DRC10: variants seen among roughly 807,000 people sequenced by gnomAD.
DRC10 encodes IQ domain-containing protein D.
chr12:113,198,335 G>T, the DRC10 span, among the ~76,000 whole-genome samples: 2 of 152,228 alleles, frequency 1.3e-5, no homozygotes, highest in Non-Finnish European at 2.9e-5. Flanking sequence ...GTCACAGAGG[G>T]AGTGTCAGCA....
At chr12:113,198,335 G>A in the DRC10 span, among the ~76,000 whole-genome samples, 1 of 152,228 alleles carries the variant, frequency 6.6e-6, no homozygotes, top group African/African-American at 2.4e-5. Context: ...GTCACAGAGG[G>A]AGTGTCAGCA....
chr12:113,201,696 A>G, the DRC10 span, among the ~76,000 whole-genome samples: 860 of 152,314 alleles, frequency 5.6e-3, 7 homozygotes, highest in African/African-American at 0.019. Flanking sequence ...TTCTCACTAC[A>G]CTAGAGTCTC....
chr12:113,204,655 T>C, the DRC10 span, among the ~76,000 whole-genome samples: 1 of 152,190 alleles, frequency 6.6e-6, no homozygotes, highest in African/African-American at 2.4e-5. Context: ...GTGCGGTGGC[T>C]CACACATGTA....
chr12:113,200,706 C>T, the DRC10 span: 2 of 1,536,206 alleles, frequency 1.3e-6, no homozygotes, highest in Non-Finnish European at 1.7e-6. Flanking sequence ...CGGCCTTCTG[C>T]TGCTTCTCAG....
At chr12:113,208,288 C>T in the DRC10 span, 9 of 1,454,542 alleles carry the variant, frequency 6.2e-6, no homozygotes, top group East Asian at 2.4e-5. Context: ...GGTGTGAGTG[C>T]AGCTGTGCTG....
chr12:113,220,991 A>G, the DRC10 span: 1 of 360,728 alleles, frequency 2.8e-6, no homozygotes, highest in Admixed American at 3.4e-5. Flanking sequence ...CCAACTGGCT[A>G]CTCACCTGCT....
the DRC10 span, among the ~76,000 whole-genome samples, chr12:113,219,752 A>C: frequency 2.6e-4 from 39 of 152,120 alleles, no homozygotes; most frequent in African/African-American, 8.4e-4. Flanking sequence ...GGCTCACCGC[A>C]ACCTCCGCCT....
At chr12:113,200,783 GT>G in the DRC10 span, 4 of 1,533,754 alleles carry the variant, frequency 2.6e-6, no homozygotes, top group Non-Finnish European at 3.5e-6. Context: ...TGGTTTTTCA[GT>G]TCTTGGATCA....
the DRC10 span, among the ~76,000 whole-genome samples, chr12:113,213,242 CTCTT>C: frequency 2.1e-5 from 3 of 145,708 alleles, no homozygotes; most frequent in African/African-American, 7.6e-5. Flanking sequence ...ATTTCTCTCT[CTCTT>C]TTTAAATTCA....
the DRC10 span, among the ~76,000 whole-genome samples, chr12:113,205,655 C>T: frequency 7.6e-5 from 11 of 144,922 alleles, no homozygotes; most frequent in Admixed American, 1.4e-4. Flanking sequence ...TTTGGGAGGC[C>T]GAGGCGGGTG....
chr12:113,197,490 TAGA>T, the DRC10 span: 8 of 1,271,692 alleles, frequency 6.3e-6, no homozygotes, highest in Non-Finnish European at 8.8e-6. Context: ...ATCCCATTCC[TAGA>T]AGGTCTTGGG....
At chr12:113,218,746 A>G in the DRC10 span, among the ~76,000 whole-genome samples, 1 of 151,996 alleles carries the variant, frequency 6.6e-6, no homozygotes, top group African/African-American at 2.4e-5. Flanking sequence ...CTGGGCCAAA[A>G]ACCCTCAACT....
the DRC10 span, among the ~76,000 whole-genome samples, chr12:113,220,141 A>G: frequency 6.6e-6 from 1 of 151,920 alleles, no homozygotes; most frequent in African/African-American, 2.4e-5. Context: ...TCATTTAATC[A>G]TCACAAGAAA....
At chr12:113,208,233 CTCGTGCT>C in the DRC10 span, 1 of 1,524,638 alleles carries the variant, frequency 6.6e-7, no homozygotes, top group Non-Finnish European at 8.7e-7. Flanking sequence ...CTACTTGGGT[CTCGTGCT>C]TTTATTGTCT....
chr12:113,212,598 T>C, the DRC10 span, among the ~76,000 whole-genome samples: 2 of 152,236 alleles, frequency 1.3e-5, no homozygotes, highest in Non-Finnish European at 1.5e-5. Flanking sequence ...ATGTTTCCAA[T>C]TTGCTTTCAG....
chr12:113,195,648 C>T, the DRC10 span: 15 of 1,613,146 alleles, frequency 9.3e-6, no homozygotes, highest in Non-Finnish European at 1.3e-5. Flanking sequence ...GCCCTTGCCC[C>T]GCTTCTTCTT....
the DRC10 span, among the ~76,000 whole-genome samples, chr12:113,196,312 A>T: frequency 2.6e-5 from 4 of 152,188 alleles, no homozygotes; most frequent in African/African-American, 9.7e-5. Context: ...TGGGGACACA[A>T]GAAATGGAGG....
At chr12:113,215,225 C>T in the DRC10 span, among the ~76,000 whole-genome samples, 2 of 152,300 alleles carry the variant, frequency 1.3e-5, no homozygotes, top group Non-Finnish European at 2.9e-5. Flanking sequence ...ATTTGGAATG[C>T]AATTCCAGTG....
At chr12:113,219,583 C>T in the DRC10 span, among the ~76,000 whole-genome samples, 1 of 152,120 alleles carries the variant, frequency 6.6e-6, no homozygotes, top group Non-Finnish European at 1.5e-5. Flanking sequence ...TTTTATGACA[C>T]ATGATTTGCA....
Sources: allele counts gnomAD v4.1 joint callset (sites outside exome capture counted in the v4.1 genomes callset), GRCh38; gene constraint gnomAD v4.1.1; transcripts MANE v1.5; gene names NCBI Gene and HGNC (gene_info 2026-07-23, HGNC 2026-07-21).